ITSN1: variants seen among roughly 807,000 people sequenced by gnomAD.
ITSN1 encodes intersectin 1, also known as intersectin-1.
Under a neutral mutation model 239.8 loss-of-function variants are expected in ITSN1, and 58 were observed. The ratio of observed to expected loss-of-function variants is 0.24; its 90% CI spans 0.20 to 0.30. ITSN1 has a LOEUF of 0.30. ITSN1 is among the 10% of genes least tolerant of loss of function. The probability of loss-of-function intolerance (pLI) is 1.00; values close to 1 mark genes in which losing one functional copy is unlikely to be tolerated. For missense variants in ITSN1, 1,558 were observed against 2,103.3 expected (o/e 0.74, Z 5.07); for synonymous variants, 780 against 770.8 (o/e 1.01, Z -0.20).
intron 24 of ITSN1, among the ~76,000 whole-genome samples, chr21:33,822,657 A>G (rs2073754887): frequency 6.6e-6 from 1 of 152,238 alleles, no homozygotes; most frequent in Non-Finnish European, 1.5e-5. Context: ...TTCTTCTGTA[A>G]TGCACACCCT....
chr21:33,833,777 C>G (rs1268444657), intron 27 of ITSN1, among the ~76,000 whole-genome samples: 1 of 150,534 alleles, frequency 6.6e-6, no homozygotes, highest in Non-Finnish European at 1.5e-5. Context: ...GAGGCTGAGG[C>G]AGGAGAATGG....
chr21:33,868,353 C>T (rs1381527308), intron 33 of ITSN1, among the ~76,000 whole-genome samples: 3 of 152,248 alleles, frequency 2.0e-5, no homozygotes, highest in Non-Finnish European at 2.9e-5. Context: ...TGGGACTGGG[C>T]GCCGTGGAGC....
intron 1 of ITSN1, among the ~76,000 whole-genome samples, chr21:33,675,299 C>T (rs977863923): frequency 6.6e-6 from 1 of 152,064 alleles, no homozygotes; most frequent in Admixed American, 6.6e-5. Flanking sequence ...CACGGTGGCT[C>T]AAGCCTGTAA....
At chr21:33,789,797 T>C (rs1043074640) in intron 16 of ITSN1, among the ~76,000 whole-genome samples, 1 of 152,190 alleles carries the variant, frequency 6.6e-6, no homozygotes, top group Admixed American at 6.5e-5. Flanking sequence ...TAGAACAAAC[T>C]TCTTCAGTAA....
chr21:33,813,048 G>T (rs1276364203), intron 21 of ITSN1, among the ~76,000 whole-genome samples: 1 of 151,942 alleles, frequency 6.6e-6, no homozygotes, highest in Non-Finnish European at 1.5e-5. Context: ...ATGTTTCTCC[G>T]GGGCTTTGCA....
chr21:33,778,571 C>CTTTTTTTTT lies in ITSN1; in HGVS notation c.1597-2873_1597-2865dup, dbSNP rs397948229. 2.4e-3 allele frequency among the ~76,000 whole-genome samples: 155 copies of CTTTTTTTTT among 63,954 alleles called. 16 individuals are homozygous for CTTTTTTTTT. Among genetic ancestry groups the CTTTTTTTTT allele is most frequent in the African/African-American group, 7.6e-3 (99 of 13,108 alleles). 42.0% of individuals were successfully genotyped at this position (63,954 alleles called of 152,430 possible). On this transcript the variant is annotated intron_variant, in intron 14 of 39. Coordinates refer to ENST00000381318, the MANE Select transcript of ITSN1 (RefSeq NM_003024.3). ...TGTATAAAGTTGTTTATAATATTCTCTTTTTTTTTTTTTTTTTTTTTTTTT... is the reference window on the plus strand; with the variant it reads ...TGTATAAAGTTGTTTATAATATTCTCTTTTTTTTTTTTTTTTTTTTTTTTTTTTTTTTTT...
chr21:33,708,986 CTCT>C (rs2092333306), intron 1 of ITSN1, among the ~76,000 whole-genome samples: 1 of 152,132 alleles, frequency 6.6e-6, no homozygotes. Flanking sequence ...TCTTTCTGAA[CTCT>C]TCTTTTCTGT....
rs191756724 is a variant in ITSN1 at position 33,734,686 on chromosome 21, A to G, written c.186-358A>G. Reference sequence around the variant, plus strand: ...ATAATAAAATTTACTCGTTTAAAGTATCTAATTCATTGGTTTTAGTTTATT... The same window carrying G: ...ATAATAAAATTTACTCGTTTAAAGTGTCTAATTCATTGGTTTTAGTTTATT... On this transcript the variant is annotated intron_variant, in intron 4 of 39. Coordinates refer to ENST00000381318, the MANE Select transcript of ITSN1 (RefSeq NM_003024.3). Among the ~76,000 whole-genome samples the G allele has an allele frequency of 1.8e-3, 274 of 152,324 alleles. 1 individual carries two copies. Among genetic ancestry groups the G allele is most frequent in the African/African-American group, 6.4e-3 (268 of 41,572 alleles).
Position 33,643,291 on chromosome 21 carries a change from T to C in ITSN1, c.-33+578T>C, listed in dbSNP as rs1191991331. ...CCAGGGCGCGCCGCGGGGCCGCCCC[T>C]GAAGGCATTTAAAGGGGAGCGTCTT... On this transcript the variant is annotated intron_variant, in intron 1 of 39. Transcript: ENST00000381318. 2.6e-5 allele frequency: 4 copies of C among 152,074 alleles called. No homozygotes were observed. In the East Asian group the frequency reaches 7.8e-4, roughly 30 times the overall value. The allele number at this position is 152,074 out of a possible 1,614,324, so 9.4% of individuals were successfully genotyped here.
intron 16 of ITSN1, among the ~76,000 whole-genome samples, chr21:33,783,299 T>TA (rs1469521910): frequency 9.5e-4 from 144 of 152,368 alleles, no homozygotes; most frequent in African/African-American, 3.3e-3. Flanking sequence ...TTGAAACTTT[T>TA]ATAATAGTTG....
chr21:33,685,650 T>TA (rs886920045), intron 1 of ITSN1, among the ~76,000 whole-genome samples: 1 of 151,988 alleles, frequency 6.6e-6, no homozygotes, highest in Non-Finnish European at 1.5e-5. Context: ...TCTCTTTTTT[T>TA]AGTACTCAAG....
At chr21:33,840,589 T>C (rs1237471430) in intron 29 of ITSN1, among the ~76,000 whole-genome samples, 1 of 152,152 alleles carries the variant, frequency 6.6e-6, no homozygotes, top group East Asian at 1.9e-4. Flanking sequence ...CTCCAACTCC[T>C]GACCTCAAGT....
Position 33,856,642 on chromosome 21 carries a change from C to T in ITSN1, c.3662-94C>T, listed in dbSNP as rs1979396991. 4.4e-6 allele frequency: 7 copies of T among 1,580,470 alleles called. No homozygotes were observed. The South Asian group carries it at 5.9e-5, about 13-fold the overall frequency. ...ATGACCCCACTGGACTGGAGCAAGC[C>T]CTCAGGACCCAGCAGCCACGAGGAT... On this transcript the variant is annotated intron_variant, in intron 29 of 39. Transcript: ENST00000381318.
At chr21:33,741,736 CA>C (rs5843621) in intron 5 of ITSN1, among the ~76,000 whole-genome samples, 112,509 of 150,482 alleles carry the variant, frequency 0.75, 42,406 homozygotes, top group East Asian at 0.99. Flanking sequence ...ACTAAAAATA[CA>C]AAAAAAAATT....
At chr21:33,736,297 G>A (rs1174640460) in intron 5 of ITSN1, among the ~76,000 whole-genome samples, 1 of 152,136 alleles carries the variant, frequency 6.6e-6, no homozygotes, top group Non-Finnish European at 1.5e-5. Context: ...AGTAATTCAG[G>A]GTGTCTCTGA....
chr21:33,760,541 G>A (rs2068239915), intron 8 of ITSN1, among the ~76,000 whole-genome samples: 1 of 152,146 alleles, frequency 6.6e-6, no homozygotes, highest in Non-Finnish European at 1.5e-5. Context: ...CTAATGTGAT[G>A]CTAAGCTCAT....
intron 4 of ITSN1, among the ~76,000 whole-genome samples, chr21:33,723,207 G>C (rs934208941): frequency 6.6e-6 from 1 of 152,136 alleles, no homozygotes; most frequent in Non-Finnish European, 1.5e-5. Context: ...CATGGCTTTG[G>C]AGAGCCATGC....
At chr21:33,839,410 T>A (rs1345304068) in intron 29 of ITSN1, among the ~76,000 whole-genome samples, 2 of 151,400 alleles carry the variant, frequency 1.3e-5, no homozygotes, top group African/African-American at 4.9e-5. Context: ...AGCTGAGACC[T>A]GAAGAGTAAG....
At chr21:33,883,513 C>T in intron 35 of ITSN1, 37 bp from the exon 36 acceptor site, 1 of 1,608,828 alleles carries the variant, frequency 6.2e-7, no homozygotes, top group Admixed American at 1.7e-5. Flanking sequence ...CACAGACCCC[C>T]AGCCTCGCTT....
Sources: gnomAD v4.1 joint callset for allele counts (sites outside exome capture counted in the v4.1 genomes callset) on GRCh38, gnomAD v4.1.1 for gene constraint, MANE v1.5 for transcripts, NCBI Gene and HGNC (gene_info 2026-07-23, HGNC 2026-07-21) for gene names.